CYP2C8: variants seen among roughly 807,000 people sequenced by gnomAD.
CYP2C8 encodes cytochrome P450 family 2 subfamily C member 8.
A neutral mutation model predicts 41.3 loss-of-function variants in CYP2C8; 51 were observed. The ratio of observed to expected loss-of-function variants is 1.24; its 90% CI spans 0.99 to 1.56. The LOEUF is 1.56. CYP2C8 is among the 40% of genes most tolerant of loss of function. The pLI is 0.00. For synonymous variants in CYP2C8, 218 were observed against 205.8 expected (o/e 1.06, Z -0.51); for missense variants, 651 against 579.9 (o/e 1.12, Z -1.26).
intron 5 of CYP2C8, among the ~76,000 whole-genome samples, chr10:95,056,175 AG>A (rs1280551709): frequency 1.3e-5 from 2 of 152,196 alleles, no homozygotes; most frequent in Non-Finnish European, 2.9e-5. Context: ...AATGGTAAAA[AG>A]CTAATTAATA....
chr10:95,046,149 G>A (rs2033105622), intron 5 of CYP2C8, among the ~76,000 whole-genome samples, 198 bp from the exon 6 acceptor site: 1 of 152,198 alleles, frequency 6.6e-6, no homozygotes, highest in African/African-American at 2.4e-5. Context: ...AGACCTACAA[G>A]TTCCATTCAT....
intron 4 of CYP2C8, among the ~76,000 whole-genome samples, chr10:95,064,350 C>T (rs11572098): frequency 0.046 from 7,023 of 152,232 alleles, 513 homozygotes; most frequent in African/African-American, 0.15. Context: ...CCCCCAGCCT[C>T]GCTGCTGCCT....
intron 1 of CYP2C8, among the ~76,000 whole-genome samples, chr10:95,068,894 A>G (rs1359508444): frequency 1.3e-5 from 2 of 152,122 alleles, no homozygotes; most frequent in Non-Finnish European, 2.9e-5. Context: ...CCCTGTCTCT[A>G]CTAAAACATA....
At chr10:95,048,110 G>A (rs1204879911) in intron 5 of CYP2C8, among the ~76,000 whole-genome samples, 1 of 152,142 alleles carries the variant, frequency 6.6e-6, no homozygotes, top group African/African-American at 2.4e-5. Context: ...TACTTTATTT[G>A]TGTGTATGTG....
chr10:95,043,464 A>C (rs1004643534), intron 6 of CYP2C8, among the ~76,000 whole-genome samples: 1 of 152,208 alleles, frequency 6.6e-6, no homozygotes, highest in Non-Finnish European at 1.5e-5. Flanking sequence ...TTTTATAAAT[A>C]TATTTGTGTG....
rs1295259610 is a variant in CYP2C8 at position 95,045,617 on chromosome 10, C to T, written c.961+193G>A. Among the ~76,000 whole-genome samples the T allele has an allele frequency of 3.3e-5, 5 of 152,212 alleles. No individual in the cohort carries two copies. The South Asian group carries it at 8.3e-4, about 25-fold the overall frequency. ...TTTTGCTACTGCCATACTGTTTCTACTGATCTCTGTCATCCTCCTCCATTG... is the reference window on the plus strand; with the variant it reads ...TTTTGCTACTGCCATACTGTTTCTATTGATCTCTGTCATCCTCCTCCATTG... On this transcript the variant is annotated intron_variant, in intron 6 of 8. Coordinates refer to ENST00000371270, the MANE Select transcript of CYP2C8 (RefSeq NM_000770.3).
intron 7 of CYP2C8, chr10:95,039,465 T>A (rs972470145): frequency 6.7e-5 from 13 of 194,780 alleles, no homozygotes; most frequent in Middle Eastern, 2.2e-3. Flanking sequence ...TCTATTTTAA[T>A]ATGATGTCAT....
In CYP2C8 at chr10:95,067,150, C is replaced by A. The variant is rs77036916; in HGVS notation, c.481+58G>T. 73 of 1,612,244 alleles carry A rather than the reference C, an allele frequency of 4.5e-5. No individual in the cohort carries two copies. The East Asian group carries it at 1.6e-3, about 35-fold the overall frequency. On this transcript the variant is annotated intron_variant, in intron 3 of 8. Coordinates refer to ENST00000371270, the MANE Select transcript of CYP2C8 (RefSeq NM_000770.3). ...GCCACCCCTGAAATGTTTCCAAGGA[C>A]GTCACTAGTGAAGACAGGTAACTGT...
At chr10:95,047,729 A>C (rs1446050608) in intron 5 of CYP2C8, among the ~76,000 whole-genome samples, 1 of 152,212 alleles carries the variant, frequency 6.6e-6, no homozygotes, top group Non-Finnish European at 1.5e-5. Flanking sequence ...TAATCGAATA[A>C]AGTTCTCATA....
chr10:95,048,076 G>T (rs2033142694), intron 5 of CYP2C8, among the ~76,000 whole-genome samples: 1 of 152,068 alleles, frequency 6.6e-6, no homozygotes, highest in Non-Finnish European at 1.5e-5. Flanking sequence ...GTCTCTCAGG[G>T]TTTCACCTCT....
intron 4 of CYP2C8, among the ~76,000 whole-genome samples, chr10:95,059,996 G>C (rs550293928): frequency 3.3e-5 from 5 of 152,202 alleles, no homozygotes; most frequent in Admixed American, 6.5e-5. Context: ...TTGTTCCATT[G>C]GTCTATATCT....
At chr10:95,055,780 A>G (rs1424672671) in intron 5 of CYP2C8, among the ~76,000 whole-genome samples, 1 of 152,164 alleles carries the variant, frequency 6.6e-6, no homozygotes, top group East Asian at 1.9e-4. Context: ...AACAAATGAC[A>G]AGCAACCCAG....
intron 7 of CYP2C8, 115 bp downstream of exon 7, chr10:95,042,775 C>T: frequency 2.3e-6 from 2 of 875,428 alleles, no homozygotes; most frequent in Non-Finnish European, 3.9e-6. Flanking sequence ...CATCAAGCTG[C>T]CACATGTATG....
rs369552457 is a variant in CYP2C8 at position 95,067,344 on chromosome 10, G to A, written c.345C>T (p.Ser115=). The A allele has an allele frequency of 3.1e-6, 5 of 1,609,938 alleles. No homozygotes were observed. In the Admixed American group the frequency reaches 8.4e-5, roughly 27 times the overall value. ...GGATCTCCTTCCATCTCTTTCCATT[G>A]CTGGAAATGATTCCTAATAAAAAAA... The part of the protein sequence containing the change: ...RITKGLGIIS[S]NGKRWKEIRR... Residue 115 remains serine, a synonymous_variant, in exon 3 of 9, where the codon AGC becomes AGT. Coordinates refer to ENST00000371270, the MANE Select transcript of CYP2C8 (RefSeq NM_000770.3).
chr10:95,045,969 CA>C lies in CYP2C8; in HGVS notation c.820-19del. ...TCCTTTTCCTAGAAGTGATTTCATG[CA>C]ATTATCTGACAAATTATGTGCCAGT... On this transcript the variant is annotated intron_variant, in intron 5 of 8. Coordinates refer to ENST00000371270, the MANE Select transcript of CYP2C8 (RefSeq NM_000770.3). The C allele has an allele frequency of 6.2e-7, 1 of 1,613,226 alleles. No homozygotes were observed. The highest frequency in any genetic ancestry group is 2.2e-5 in the East Asian group (1 of 44,854).
intron 7 of CYP2C8, among the ~76,000 whole-genome samples, chr10:95,041,588 T>C (rs1252443252): frequency 6.6e-6 from 1 of 151,250 alleles, no homozygotes; most frequent in East Asian, 1.9e-4. Context: ...GAGACCATCC[T>C]GGCTAACAAG....
At chr10:95,066,055 T>G (rs1173210025) in intron 3 of CYP2C8, among the ~76,000 whole-genome samples, 1 of 151,398 alleles carries the variant, frequency 6.6e-6, no homozygotes, top group Non-Finnish European at 1.5e-5. Flanking sequence ...ATTACAGGGC[T>G]CTAAAGTTTC....
At chr10:95,053,813 C>T (rs1042844881) in intron 5 of CYP2C8, among the ~76,000 whole-genome samples, 25 of 151,860 alleles carry the variant, frequency 1.6e-4, no homozygotes, top group Non-Finnish European at 8.8e-5. Context: ...ATACTTAATT[C>T]ATGCGGGGCT....
intron 4 of CYP2C8, among the ~76,000 whole-genome samples, chr10:95,060,512 G>T (rs1033246541): frequency 1.3e-5 from 2 of 152,206 alleles, no homozygotes; most frequent in Admixed American, 1.3e-4. Context: ...AGACATTGCT[G>T]AAGTTGCTTA....
Sources: allele counts gnomAD v4.1 joint callset (sites outside exome capture counted in the v4.1 genomes callset), GRCh38; gene constraint gnomAD v4.1.1; transcripts MANE v1.5; gene names NCBI Gene and HGNC (gene_info 2026-07-23, HGNC 2026-07-21).